ZNF257: variants seen among roughly 807,000 people sequenced by gnomAD.
ZNF257 encodes the protein zinc finger protein 257.
In ZNF257, 12 loss-of-function variants were observed where a neutral mutation model predicts 11.9. That is an observed-to-expected ratio of 1.01 (90% CI 0.65 to 1.63). The LOEUF is 1.63. ZNF257 is among the 40% of genes most tolerant of loss of function. The pLI, the probability that ZNF257 is intolerant of heterozygous loss-of-function variation, is 0.00. For missense variants in ZNF257, 580 were observed against 665.5 expected (o/e 0.87, Z 1.41); for synonymous variants, 183 against 222.7 (o/e 0.82, Z 1.59).
intron 3 of ZNF257, among the ~76,000 whole-genome samples, chr19:22,079,313 G>T (rs2022307461): frequency 6.6e-6 from 1 of 151,980 alleles, no homozygotes; most frequent in South Asian, 2.1e-4. Context: ...ATGCCTCCTT[G>T]TTCTTTTTCA....
intron 3 of ZNF257, among the ~76,000 whole-genome samples, chr19:22,082,554 C>T (rs2022384983): frequency 6.6e-6 from 1 of 152,028 alleles, no homozygotes; most frequent in South Asian, 2.1e-4. Context: ...TTATTTTTAT[C>T]TTTTTTTGAA....
At chr19:22,079,867 A>G (rs1599671354) in intron 3 of ZNF257, among the ~76,000 whole-genome samples, 1 of 148,860 alleles carries the variant, frequency 6.7e-6, no homozygotes, top group African/African-American at 2.4e-5. Context: ...ATGTTGAAGA[A>G]TTTTATATAT....
At chr19:22,053,108 C>A (rs62112956) in intron 1 of ZNF257, among the ~76,000 whole-genome samples, 18,655 of 152,090 alleles carry the variant, frequency 0.12, 1,371 homozygotes, top group Middle Eastern at 0.19. Flanking sequence ...CGGTGGCACA[C>A]GCCTGTAATC....
intron 1 of ZNF257, among the ~76,000 whole-genome samples, chr19:22,067,265 C>T (rs145034881): frequency 3.3e-5 from 5 of 152,234 alleles, no homozygotes; most frequent in African/African-American, 1.2e-4. Flanking sequence ...ATCTTCAGAC[C>T]TGAAACTGAT....
chr19:22,083,997 G>T (rs1312045943), intron 3 of ZNF257, among the ~76,000 whole-genome samples: 1 of 152,076 alleles, frequency 6.6e-6, no homozygotes, highest in Non-Finnish European at 1.5e-5. Context: ...GAAATTAGCT[G>T]GGTATGGTGG....
intron 3 of ZNF257, among the ~76,000 whole-genome samples, chr19:22,077,326 T>C (rs1351050526): frequency 6.6e-6 from 1 of 151,936 alleles, no homozygotes; most frequent in African/African-American, 2.4e-5. Flanking sequence ...TTCAAAAAAA[T>C]GGTATACATT....
At chr19:22,067,887 G>C (rs7251108) in intron 1 of ZNF257, among the ~76,000 whole-genome samples, 95,039 of 147,492 alleles carry the variant, frequency 0.64, 31,123 homozygotes, top group South Asian at 0.81. Context: ...TCTCCCCCCC[G>C]CTTGAGCTAT....
intron 3 of ZNF257, chr19:22,074,673 A>G (rs1399899795): frequency 1.3e-5 from 2 of 152,004 alleles, no homozygotes; most frequent in East Asian, 3.9e-4. Flanking sequence ...TTTTAATGCT[A>G]TTGTAAATAA....
At chr19:22,057,401 C>T (rs1285055093) in intron 1 of ZNF257, among the ~76,000 whole-genome samples, 2 of 152,124 alleles carry the variant, frequency 1.3e-5, no homozygotes, top group Non-Finnish European at 2.9e-5. Context: ...TGGGGAGCCG[C>T]CCCTGCAGAT....
intron 3 of ZNF257, 118 bp downstream of exon 3, chr19:22,073,682 T>C (rs2022162577): frequency 7.5e-7 from 1 of 1,340,856 alleles, no homozygotes; most frequent in African/African-American, 1.6e-5. Flanking sequence ...ATATAGTTTC[T>C]GGAAGCCTGA....
intron 1 of ZNF257, among the ~76,000 whole-genome samples, chr19:22,063,519 C>G (rs1212143345): frequency 6.6e-6 from 1 of 152,158 alleles, no homozygotes; most frequent in Non-Finnish European, 1.5e-5. Context: ...CTTACCACTG[C>G]CTTAGCTGTG....
At chr19:22,085,211 C>G (rs1366790088) in intron 3 of ZNF257, among the ~76,000 whole-genome samples, 1 of 151,614 alleles carries the variant, frequency 6.6e-6, no homozygotes, top group African/African-American at 2.4e-5. Flanking sequence ...CACCACCACA[C>G]CTGGCTAATT....
At chr19:22,059,374 C>T (rs2021730685) in intron 1 of ZNF257, among the ~76,000 whole-genome samples, 1 of 152,116 alleles carries the variant, frequency 6.6e-6, no homozygotes, top group Admixed American at 6.6e-5. Flanking sequence ...TTAGCTCTTA[C>T]TTATAAATGG....
chr19:22,055,493 A>G (rs2021606582), intron 1 of ZNF257, among the ~76,000 whole-genome samples: 1 of 152,068 alleles, frequency 6.6e-6, no homozygotes, highest in African/African-American at 2.4e-5. Flanking sequence ...GGCGTGAGCC[A>G]CCGTGCCTGG....
chr19:22,076,156 G>A (rs1204504070), intron 3 of ZNF257, among the ~76,000 whole-genome samples: 3 of 151,590 alleles, frequency 2.0e-5, no homozygotes, highest in Non-Finnish European at 4.4e-5. Context: ...CAGGCAAAAA[G>A]GAATTATATA....
rs778010717 is a variant in ZNF257, at chr19:22,089,481, C to T, written c.*39C>T. 7 of 1,576,026 alleles carry T rather than the reference C, an allele frequency of 4.4e-6. No homozygotes were observed. Among genetic ancestry groups the T allele is most frequent in the South Asian group, 3.5e-5 (3 of 86,276 alleles). ...TACAAATGTGAAGAATGTGTCAAAG[C>T]TTTTAACTGTTCCTCAATCCTTACT... On this transcript the variant is annotated 3_prime_UTR_variant, in exon 4 of 4. Coordinates refer to ENST00000594947, the MANE Select transcript of ZNF257 (RefSeq NM_033468.4).
Position 22,088,680 on chromosome 19 carries a change from T to C in ZNF257, c.930T>C (p.His310=), listed in dbSNP as rs2022543262. The C allele has an allele frequency of 1.2e-6, 2 of 1,613,262 alleles. No individual in the cohort carries two copies. The highest frequency in any genetic ancestry group is 2.7e-5 in the African/African-American group (2 of 74,684). Residue 310 remains histidine, a synonymous_variant, in exon 4 of 4, where the codon CAT becomes CAC. Coordinates refer to ENST00000594947, the MANE Select transcript of ZNF257 (RefSeq NM_033468.4). The part of the protein sequence containing the change: ...LTTLTQHKRI[H]TGEKPYKCEE... ...CCCTTACTCAACATAAGAGAATTCA[T>C]ACTGGAGAGAAACCCTACAAATGTG...
At chr19:22,062,728 C>T (rs7251884) in intron 1 of ZNF257, among the ~76,000 whole-genome samples, 36,105 of 151,970 alleles carry the variant, frequency 0.24, 5,834 homozygotes, top group African/African-American at 0.46. Flanking sequence ...GTGAGCTGCC[C>T]GCCTTGGCCT....
At chr19:22,067,114 T>A (rs1360814944) in intron 1 of ZNF257, among the ~76,000 whole-genome samples, 1 of 152,146 alleles carries the variant, frequency 6.6e-6, no homozygotes, top group African/African-American at 2.4e-5. Flanking sequence ...ATGTGCTGTC[T>A]CCTAAATATG....
Sources: allele counts gnomAD v4.1 joint callset (sites outside exome capture counted in the v4.1 genomes callset), GRCh38; gene constraint gnomAD v4.1.1; transcripts MANE v1.5; gene names NCBI Gene and HGNC (gene_info 2026-07-23, HGNC 2026-07-21).